LPP: variants seen among roughly 807,000 people sequenced by gnomAD.
LPP encodes the protein lipoma-preferred partner.
LPP carries 38 observed loss-of-function variants against 60.4 expected under a neutral mutation model. The ratio of observed to expected loss-of-function variants is 0.63; its 90% CI spans 0.49 to 0.83. The LOEUF (loss-of-function observed/expected upper bound fraction) is 0.83. Among genes scored for constraint, LPP ranks in the 40% least tolerant of loss-of-function variants. The pLI is 0.00. For synonymous variants in LPP, 328 were observed against 290.8 expected, an observed-to-expected ratio of 1.13 and a Z score of -1.30; for missense variants, 902 against 783.6, an observed-to-expected ratio of 1.15 and a Z score of -1.80.
At chr3:188,320,988 GTT>G (rs906805598) in intron 2 of LPP, among the ~76,000 whole-genome samples, 2 of 152,202 alleles carry the variant, frequency 1.3e-5, no homozygotes, top group Non-Finnish European at 2.9e-5. Flanking sequence ...CCTTGGTCCT[GTT>G]TGATTTTCCT....
At chr3:188,539,284 T>C (rs1233647977) in intron 6 of LPP, among the ~76,000 whole-genome samples, 1 of 152,052 alleles carries the variant, frequency 6.6e-6, no homozygotes, top group Non-Finnish European at 1.5e-5. Flanking sequence ...TGGGGAAAAA[T>C]GCAATCTAAC....
chr3:188,178,828 A>G (rs1380482124), intron 1 of LPP: 3 of 173,482 alleles, frequency 1.7e-5, no homozygotes, highest in African/African-American at 7.2e-5. Context: ...GCAGTGGGTG[A>G]AGTATTGTAA....
At position 188,877,004 on chromosome 3, in the gene LPP, CTT is replaced by C. The variant is rs1769324806; in HGVS notation, c.*2526_*2527del. The stretch of plus-strand genomic sequence containing the variant: ...AAAGTAAATCTCTTTTTAAGATAGA[CTT>C]ATTCTTTTATAATAATGAATGTGCA... On this transcript the variant is annotated 3_prime_UTR_variant, in exon 12 of 12. Coordinates refer to ENST00000617246, the MANE Select transcript of LPP (RefSeq NM_001375462.1). 1 of 175,292 alleles carries C rather than the reference CTT, an allele frequency of 5.7e-6. No homozygotes were observed. The highest frequency in any genetic ancestry group is 1.2e-5 in the Non-Finnish European group (1 of 81,304). 10.9% of individuals were successfully genotyped at this position (175,292 alleles called of 1,614,324 possible). A position where few individuals can be genotyped will look rare whatever the true frequency, so the allele number is the denominator to read the frequency against.
intron 6 of LPP, chr3:188,584,534 T>G (rs1054880991): frequency 2.9e-5 from 4 of 135,644 alleles, no homozygotes; most frequent in Non-Finnish European, 6.2e-5. Flanking sequence ...AAATGTTTCT[T>G]TTAATTTTAG....
chr3:188,571,083 G>A (rs1334931568), intron 6 of LPP, among the ~76,000 whole-genome samples: 1 of 151,834 alleles, frequency 6.6e-6, no homozygotes, highest in Non-Finnish European at 1.5e-5. Flanking sequence ...AAGAGATAAA[G>A]AACTGCTAAA....
intron 2 of LPP, among the ~76,000 whole-genome samples, chr3:188,245,261 C>T (rs960343777): frequency 2.0e-5 from 3 of 152,068 alleles, no homozygotes; most frequent in Admixed American, 6.6e-5. Flanking sequence ...TACAGGCACC[C>T]GCCACTACGC....
intron 2 of LPP, among the ~76,000 whole-genome samples, chr3:188,299,178 C>T (rs1748919934): frequency 6.6e-6 from 1 of 152,296 alleles, no homozygotes; most frequent in South Asian, 2.1e-4. Context: ...CTCGGACTCT[C>T]CCTGGGCTTT....
At position 188,888,504 on chromosome 3, in the gene LPP, CTT is replaced by C. The variant is rs1487063103; in HGVS notation, c.*14027_*14028del. 5.7e-5 allele frequency: 13 copies of C among 228,012 alleles called. No individual in the cohort carries two copies. The highest frequency in any genetic ancestry group is 2.6e-5 in the Non-Finnish European group (3 of 114,334). The allele number at this position is 228,012 out of a possible 1,614,324, so 14.1% of individuals were successfully genotyped here. A position where few individuals can be genotyped will look rare whatever the true frequency, so the allele number is the denominator to read the frequency against. On this transcript the variant is annotated 3_prime_UTR_variant, in exon 12 of 12. Coordinates refer to ENST00000617246, the MANE Select transcript of LPP (RefSeq NM_001375462.1). ...TATAGCCATTTGCCGACTCCGGCCT[CTT>C]TGCGAGACTGACTCAAATCTGTGAT...
chr3:188,242,782 C>T (rs781682261), intron 2 of LPP, among the ~76,000 whole-genome samples: 2 of 152,202 alleles, frequency 1.3e-5, no homozygotes, highest in Non-Finnish European at 2.9e-5. Flanking sequence ...AATTAGCAAA[C>T]ATTTCCCCTT....
chr3:188,284,312 T>G (rs191887616), intron 2 of LPP, among the ~76,000 whole-genome samples: 2 of 152,038 alleles, frequency 1.3e-5, no homozygotes, highest in African/African-American at 4.8e-5. Flanking sequence ...AAGGGAAGGT[T>G]GAGAATGAGA....
chr3:188,162,196 G>T (rs78048453), intron 1 of LPP, among the ~76,000 whole-genome samples: 3 of 152,062 alleles, frequency 2.0e-5, no homozygotes, highest in Non-Finnish European at 4.4e-5. Flanking sequence ...ATAATCATTT[G>T]TATTACTTTG....
At chr3:188,240,672 A>T (rs562607867) in intron 2 of LPP, among the ~76,000 whole-genome samples, 1 of 151,662 alleles carries the variant, frequency 6.6e-6, no homozygotes, top group East Asian at 1.9e-4. Flanking sequence ...AATCATGTCA[A>T]CTAGTAAGGC....
chr3:188,701,830 C>G (rs900779996), intron 7 of LPP, among the ~76,000 whole-genome samples: 8 of 150,646 alleles, frequency 5.3e-5, no homozygotes, highest in African/African-American at 1.7e-4. Flanking sequence ...GCATGACTTT[C>G]ATAAAAACTC....
chr3:188,528,255 C>T (rs1269225383), intron 6 of LPP, among the ~76,000 whole-genome samples: 1 of 152,116 alleles, frequency 6.6e-6, no homozygotes, highest in Non-Finnish European at 1.5e-5. Context: ...TCTCAATCTC[C>T]TGACCTCGTG....
chr3:188,499,834 C>A (rs142189380), intron 5 of LPP, among the ~76,000 whole-genome samples: 1 of 151,976 alleles, frequency 6.6e-6, no homozygotes, highest in Non-Finnish European at 1.5e-5. Context: ...TATTTATTCA[C>A]GTTAATTTCT....
chr3:188,731,377 A>G (rs776397193), intron 8 of LPP, among the ~76,000 whole-genome samples: 1 of 151,984 alleles, frequency 6.6e-6, no homozygotes, highest in Non-Finnish European at 1.5e-5. Context: ...AAGCTCCTGG[A>G]TTATCTGGGG....
intron 4 of LPP, among the ~76,000 whole-genome samples, chr3:188,450,742 C>G (rs922483429): frequency 3.2e-4 from 4 of 12,692 alleles, no homozygotes; most frequent in African/African-American, 7.7e-4. Context: ...GAGACTCTGT[C>G]TCAAAAAAAA....
At chr3:188,574,258 G>A (rs1049874212) in intron 6 of LPP, among the ~76,000 whole-genome samples, 1 of 152,136 alleles carries the variant, frequency 6.6e-6, no homozygotes, top group Non-Finnish European at 1.5e-5. Context: ...ATCTATTATA[G>A]CATTTAATTA....
chr3:188,316,375 GGTTA>G (rs1755076867), intron 2 of LPP, among the ~76,000 whole-genome samples: 1 of 152,170 alleles, frequency 6.6e-6, no homozygotes, highest in Non-Finnish European at 1.5e-5. Flanking sequence ...AGAAGTTTGA[GGTTA>G]CAGTGTGCTA....
Sources: allele counts gnomAD v4.1 joint callset (sites outside exome capture counted in the v4.1 genomes callset), GRCh38; gene constraint gnomAD v4.1.1; transcripts MANE v1.5; gene names NCBI Gene and HGNC (gene_info 2026-07-23, HGNC 2026-07-21).